SYT16: variants seen among roughly 807,000 people sequenced by gnomAD.
SYT16 encodes the protein synaptotagmin 16.
In SYT16, 42 loss-of-function variants were observed where a neutral mutation model predicts 61.4. The observed-to-expected ratio is 0.68, with a 90% CI of 0.53 to 0.89. The LOEUF (loss-of-function observed/expected upper bound fraction) is 0.89. Ranked by LOEUF, SYT16 falls within the 40% of genes least tolerant of loss-of-function variation. The probability of loss-of-function intolerance (pLI) is 0.00; values close to 1 mark genes in which losing one functional copy is unlikely to be tolerated. For missense variants in SYT16, 804 were observed against 807.3 expected (o/e 1.00, Z 0.05); for synonymous variants, 314 against 302.3 (o/e 1.04, Z -0.40).
At chr14:61,822,234 G>T (rs1397641776) in intron 1 of SYT16, among the ~76,000 whole-genome samples, 1 of 152,220 alleles carries the variant, frequency 6.6e-6, no homozygotes, top group African/African-American at 2.4e-5. Context: ...AGAACCTGGA[G>T]TCTCACGTCC....
intron 3 of SYT16, among the ~76,000 whole-genome samples, chr14:62,055,945 A>G (rs533804906): frequency 5.1e-4 from 78 of 152,216 alleles, no homozygotes; most frequent in Admixed American, 2.9e-3. Flanking sequence ...CAAGAGTCCC[A>G]AAGCTGAAGA....
At chr14:62,018,039 C>T (rs756948934) in intron 3 of SYT16, among the ~76,000 whole-genome samples, 1 of 152,018 alleles carries the variant, frequency 6.6e-6, no homozygotes, top group Non-Finnish European at 1.5e-5. Context: ...CTCCTGATTT[C>T]TCTGTATCCA....
intron 3 of SYT16, among the ~76,000 whole-genome samples, chr14:62,001,572 T>C (rs1028931430): frequency 2.0e-5 from 3 of 151,546 alleles, no homozygotes; most frequent in African/African-American, 7.3e-5. Flanking sequence ...CATGTGTATG[T>C]TTTGGTATTT....
intron 5 of SYT16, among the ~76,000 whole-genome samples, chr14:62,076,803 T>C (rs188630186): frequency 7.9e-5 from 12 of 152,354 alleles, no homozygotes; most frequent in African/African-American, 2.4e-4. Context: ...TGCCTGCCTA[T>C]TGATACTCTG....
intron 1 of SYT16, among the ~76,000 whole-genome samples, chr14:61,960,628 G>C (rs762656345): frequency 2.0e-5 from 3 of 152,086 alleles, no homozygotes; most frequent in African/African-American, 4.8e-5. Context: ...TCTAGGTATA[G>C]AATAATATTA....
intron 1 of SYT16, among the ~76,000 whole-genome samples, chr14:61,823,427 C>T (rs962653886): frequency 3.3e-5 from 5 of 151,952 alleles, no homozygotes; most frequent in African/African-American, 1.2e-4. Context: ...TTGCTTTGCA[C>T]TTACGAAAAG....
intron 1 of SYT16, among the ~76,000 whole-genome samples, chr14:61,887,450 A>C (rs1301560724): frequency 6.6e-6 from 1 of 152,218 alleles, no homozygotes; most frequent in Non-Finnish European, 1.5e-5. Flanking sequence ...TGTCCATTGA[A>C]GCCTTGAAGC....
intron 1 of SYT16, among the ~76,000 whole-genome samples, chr14:61,876,823 CAG>C (rs1333831405): frequency 6.6e-6 from 1 of 152,186 alleles, no homozygotes; most frequent in Non-Finnish European, 1.5e-5. Context: ...GTAAAGGAAA[CAG>C]GGAATTCAAT....
intron 1 of SYT16, among the ~76,000 whole-genome samples, chr14:61,920,789 CT>C (rs1318838472): frequency 4.6e-5 from 7 of 152,180 alleles, no homozygotes; most frequent in African/African-American, 1.7e-4. Context: ...AAGCTTTAAT[CT>C]TTATAACACC....
At chr14:62,014,678 C>G (rs1417260849) in intron 3 of SYT16, among the ~76,000 whole-genome samples, 1 of 152,066 alleles carries the variant, frequency 6.6e-6, no homozygotes, top group African/African-American at 2.4e-5. Flanking sequence ...AGGTGATCCA[C>G]CCGCCTTGGC....
chr14:62,082,586 T>C (rs1404153200), intron 6 of SYT16, among the ~76,000 whole-genome samples: 1 of 152,206 alleles, frequency 6.6e-6, no homozygotes, highest in Non-Finnish European at 1.5e-5. Context: ...CTTCTGGACA[T>C]GGGAGCCAGA....
At chr14:62,099,484 G>T (rs1193337341) in intron 7 of SYT16, among the ~76,000 whole-genome samples, 3 of 152,184 alleles carry the variant, frequency 2.0e-5, no homozygotes, top group African/African-American at 7.2e-5. Context: ...GCTATTCACA[G>T]GGATAGGGAA....
In SYT16 at chr14:62,069,786, A is replaced by G. The variant is rs375118869; in HGVS notation, c.707A>G (p.Glu236Gly). 1 of 1,613,858 alleles carries G rather than the reference A, an allele frequency of 6.2e-7. No individual in the cohort carries two copies. Among genetic ancestry groups the G allele is most frequent in the African/African-American group, 1.3e-5 (1 of 74,938 alleles). The change falls in exon 4 of 8, where the codon GAA (glutamate) becomes GGA (glycine). Residue 236 changes from glutamate to glycine, a missense_variant. Physicochemically the swap from Glu to Gly is moderately conservative, Grantham distance 98 (BLOSUM62 -2). Coordinates refer to ENST00000683842, the MANE Select transcript of SYT16 (RefSeq NM_001367656.1). ...AGCCGTTCGTTGTTGACACACGGAGAAGATGGCACAGAAGTATCTGCCTGC... is the reference window on the plus strand; with the variant it reads ...AGCCGTTCGTTGTTGACACACGGAGGAGATGGCACAGAAGTATCTGCCTGC... ...KFSRSLLTHGEDGTEVSACED... is the reference protein window; with the variant it reads ...KFSRSLLTHGGDGTEVSACED...
intron 1 of SYT16, among the ~76,000 whole-genome samples, chr14:61,894,825 AAAAT>A (rs2048269745): frequency 6.6e-6 from 1 of 152,230 alleles, no homozygotes; most frequent in Non-Finnish European, 1.5e-5. Context: ...CTTTAATTAT[AAAAT>A]AAATATTTAC....
intron 1 of SYT16, among the ~76,000 whole-genome samples, chr14:61,968,839 AGAG>A (rs751049750): frequency 3.1e-4 from 47 of 152,168 alleles, no homozygotes; most frequent in Non-Finnish European, 6.3e-4. Flanking sequence ...TTCTGAAGGG[AGAG>A]GGCATAATCA....
In SYT16 at chr14:61,906,583, G is replaced by A. The variant is rs184857461; in HGVS notation, c.-324-63549G>A. ...AATATTTGTAAATCATCTCCTATAT[G>A]TTCAGTACTTTGCTAAGCACTAGAG... On this transcript the variant is annotated intron_variant, in intron 1 of 7. Coordinates refer to ENST00000683842, the MANE Select transcript of SYT16 (RefSeq NM_001367656.1). 1.8e-3 allele frequency among the ~76,000 whole-genome samples: 267 copies of A among 152,060 alleles called. 1 individual carries two copies. The highest frequency in any genetic ancestry group is 6.2e-3 in the African/African-American group (259 of 41,452).
At chr14:61,981,635 T>G (rs1312525339) in intron 2 of SYT16, among the ~76,000 whole-genome samples, 1 of 152,202 alleles carries the variant, frequency 6.6e-6, no homozygotes, top group Admixed American at 6.6e-5. Flanking sequence ...ACTGTTTGTT[T>G]TCTTGCAACT....
intron 1 of SYT16, among the ~76,000 whole-genome samples, chr14:61,954,732 C>T (rs1482176153): frequency 2.0e-5 from 3 of 152,082 alleles, no homozygotes; most frequent in Non-Finnish European, 4.4e-5. Context: ...TTTGTTTAGA[C>T]TCAGATGCCA....
intron 1 of SYT16, among the ~76,000 whole-genome samples, chr14:61,931,556 G>A (rs1209062613): frequency 6.6e-6 from 1 of 151,976 alleles, no homozygotes; most frequent in Non-Finnish European, 1.5e-5. Context: ...TCTTCATTTT[G>A]TATAGTAGTA....
Sources: allele counts gnomAD v4.1 joint callset (sites outside exome capture counted in the v4.1 genomes callset), GRCh38; gene constraint gnomAD v4.1.1; transcripts MANE v1.5; gene names NCBI Gene and HGNC (gene_info 2026-07-23, HGNC 2026-07-21).